The following ERCC2 variants were observed in gnomAD, a reference collection of about 807,000 sequenced individuals.
ERCC2 encodes the protein general transcription and DNA repair factor IIH helicase subunit XPD.
A neutral mutation model predicts 99.4 loss-of-function variants in ERCC2; 90 were observed. That is an observed-to-expected ratio of 0.91 (90% confidence interval 0.76 to 1.08). The LOEUF (loss-of-function observed/expected upper bound fraction) is 1.08. Among genes scored for constraint, ERCC2 ranks in the 50% least tolerant of loss-of-function variants. The pLI is 0.00. For synonymous variants in ERCC2, 497 were observed against 432.4 expected, an observed-to-expected ratio of 1.15 and a Z score of -1.85; for missense variants, 993 against 1,038.1, an observed-to-expected ratio of 0.96 and a Z score of 0.60.
intron 19 of ERCC2, 107 bp downstream of exon 19, chr19:45,352,976 C>T (rs1384534856): frequency 2.3e-6 from 3 of 1,328,918 alleles, no homozygotes; most frequent in Non-Finnish European, 1.1e-6. Flanking sequence ...CCTCTGTGCA[C>T]CTAGGCTGGG....
rs1972043805 is a variant in ERCC2, at chr19:45,357,276, G to A, written c.1473C>T (p.Cys491=). 2.5e-6 allele frequency: 4 copies of A among 1,612,694 alleles called. No homozygotes were observed. The highest frequency in any genetic ancestry group is 1.7e-6 in the Non-Finnish European group (2 of 1,179,004). The change falls in exon 15 of 23, where the codon TGC becomes TGT. Residue 491 remains cysteine, a synonymous_variant. Transcript: ENST00000391945. The part of the protein sequence containing the change: ...FTMTLARVCL[C]PMIIGRGNDQ... Reference sequence around the variant, plus strand: ...CCTAGCCTCTCCCACTCACCATAGGGCAGAGGCAGACCCGTGCCAGCGTCA... The same window carrying A: ...CCTAGCCTCTCCCACTCACCATAGGACAGAGGCAGACCCGTGCCAGCGTCA...
In ERCC2 at chr19:45,350,011, C is replaced by G. The variant is rs1971643122; in HGVS notation, c.*1618G>C. ...CAGCCCAAAGTACAGCAGACAGGCTCAGAAACAGGAGGCTGCCTGTCCTCC... is the reference window on the plus strand; with the variant it reads ...CAGCCCAAAGTACAGCAGACAGGCTGAGAAACAGGAGGCTGCCTGTCCTCC... On this transcript the variant is annotated 3_prime_UTR_variant, in exon 23 of 23. Coordinates refer to ENST00000391945, the MANE Select transcript of ERCC2 (RefSeq NM_000400.4). 3 of 446,054 alleles carry G rather than the reference C, an allele frequency of 6.7e-6. No individual in the cohort carries two copies. Among genetic ancestry groups the G allele is most frequent in the Non-Finnish European group, 1.2e-5 (3 of 247,478 alleles). The allele number at this position is 446,054 out of a possible 1,614,324, so 27.6% of individuals were successfully genotyped here. A position where few individuals can be genotyped will look rare whatever the true frequency, so the allele number is the denominator to read the frequency against.
At chr19:45,363,632 C>T (rs1382507312) in intron 11 of ERCC2, 111 bp downstream of exon 11, 1 of 1,259,016 alleles carries the variant, frequency 7.9e-7, no homozygotes, top group East Asian at 2.6e-5. Flanking sequence ...TCGCCCAGCT[C>T]ACTCACTCCT....
chr19:45,351,625 C>CCACT lies in ERCC2; in HGVS notation c.2283_*3dup, dbSNP rs1971782442. On this transcript the variant is annotated 3_prime_UTR_variant, in exon 23 of 23. Coordinates refer to ENST00000391945, the MANE Select transcript of ERCC2 (RefSeq NM_000400.4). ...GGAACCGTTTATGGCCCCACCCGCC[C>CCACT]CACTCAGAGCTGCTGAGCAATCTGC... is the stretch of plus-strand genomic sequence containing the variant. The CCACT allele has an allele frequency of 6.2e-7, 1 of 1,613,908 alleles. No individual in the cohort carries two copies. The highest frequency in any genetic ancestry group is 2.2e-5 in the East Asian group (1 of 44,876).
intron 12 of ERCC2, chr19:45,358,030 T>C: frequency 2.2e-6 from 1 of 463,738 alleles, no homozygotes; most frequent in Non-Finnish European, 4.0e-6. Flanking sequence ...AGCCTCAAGC[T>C]TTCTCCCATG....
chr19:45,370,020 G>A, intron 2 of ERCC2, 113 bp downstream of exon 2: 1 of 949,848 alleles, frequency 1.1e-6, no homozygotes, highest in African/African-American at 1.6e-5. Flanking sequence ...ATGGGGTCCT[G>A]GATTCCCAGG....
chr19:45,350,755 T>C lies in ERCC2; in HGVS notation c.*874A>G, dbSNP rs199968742. The C allele has an allele frequency of 8.1e-6, 13 of 1,606,242 alleles. No homozygotes were observed. The highest frequency in any genetic ancestry group is 1.0e-5 in the Non-Finnish European group (12 of 1,176,634). ...GGCGGCAGGAGCAGCCGGGTGAGTG[T>C]TGATCAGGTCGGCAAAGAGCCCTGA... On this transcript the variant is annotated 3_prime_UTR_variant, in exon 23 of 23. Transcript: ENST00000391945.
chr19:45,354,908 T>A lies in ERCC2; in HGVS notation c.1544-57A>T, dbSNP rs1474195561. On this transcript the variant is annotated intron_variant, in intron 16 of 22. Transcript: ENST00000391945. Reference sequence around the variant, plus strand: ...GGCCCAGGTCCTCCTCCCTTCTCTGTCTTAGAACTAGGAGTTTCTGGAAAC... The same window carrying A: ...GGCCCAGGTCCTCCTCCCTTCTCTGACTTAGAACTAGGAGTTTCTGGAAAC... 19 of 1,610,994 alleles carry A rather than the reference T, an allele frequency of 1.2e-5. No homozygotes were observed. The South Asian group carries it at 2.1e-4, about 18-fold the overall frequency.
At position 45,350,811 on chromosome 19, in the gene ERCC2, C is replaced by A. The variant is rs1277499688; in HGVS notation, c.*818G>T. On this transcript the variant is annotated 3_prime_UTR_variant, in exon 23 of 23. Coordinates refer to ENST00000391945, the MANE Select transcript of ERCC2 (RefSeq NM_000400.4). Reference sequence around the variant, plus strand: ...GCAGAATCCACAGCCCACCCCACCCCCACCCCCATCTTGCTCAAGAACCTT... The same window carrying A: ...GCAGAATCCACAGCCCACCCCACCCACACCCCCATCTTGCTCAAGAACCTT... 5.4e-6 allele frequency: 7 copies of A among 1,298,962 alleles called. No homozygotes were observed. The Admixed American group carries it at 1.4e-4, about 26-fold the overall frequency. 80.5% of individuals were successfully genotyped at this position (1,298,962 alleles called of 1,614,324 possible). A position where few individuals can be genotyped will look rare whatever the true frequency, so the allele number is the denominator to read the frequency against.
At chr19:45,359,032 C>T (rs1472023353) in intron 12 of ERCC2, 10 of 621,986 alleles carry the variant, frequency 1.6e-5, no homozygotes, top group South Asian at 3.8e-5. Flanking sequence ...TGCCCCTGCT[C>T]GCATGGGTTC....
chr19:45,354,712 G>T lies in ERCC2; in HGVS notation c.1665+18C>A. 1 of 1,613,130 alleles carries T rather than the reference G, an allele frequency of 6.2e-7. No homozygotes were observed. The highest frequency in any genetic ancestry group is 8.5e-7 in the Non-Finnish European group (1 of 1,179,534). ...GGACTGAGGAGAGCAGGTGCAGGGA[G>T]GGGGTGGCCAGGCGTACCTGCTCAT... On this transcript the variant is annotated intron_variant, in intron 17 of 22. Transcript: ENST00000391945.
At chr19:45,364,180 G>A in intron 9 of ERCC2, 55 bp downstream of exon 9, 1 of 1,611,506 alleles carries the variant, frequency 6.2e-7, no homozygotes, top group South Asian at 1.1e-5. Context: ...AGTCAGACAG[G>A]GGCCAGGGTC....
rs1971657810 is a variant in ERCC2, at chr19:45,350,182, G to T, written c.*1447C>A. The stretch of plus-strand genomic sequence containing the variant: ...CACGCTTGTAACCCCAACACTTTGG[G>T]AGGCCAAGGCAGGAGGATCACTTGA... On this transcript the variant is annotated 3_prime_UTR_variant, in exon 23 of 23. Transcript: ENST00000391945. The T allele has an allele frequency of 1.6e-6, 1 of 620,874 alleles. No homozygotes were observed. Among genetic ancestry groups the T allele is most frequent in the African/African-American group, 1.8e-5 (1 of 54,088 alleles). The allele number at this position is 620,874 out of a possible 1,614,324, so 38.5% of individuals were successfully genotyped here. A position where few individuals can be genotyped will look rare whatever the true frequency, so the allele number is the denominator to read the frequency against.
At chr19:45,354,305 C>G (rs1195048603) in intron 17 of ERCC2, among the ~76,000 whole-genome samples, 2 of 152,208 alleles carry the variant, frequency 1.3e-5, no homozygotes, top group Non-Finnish European at 2.9e-5. Context: ...CCTGCAGACC[C>G]TTGAGAGGCT....
intron 5 of ERCC2, among the ~76,000 whole-genome samples, chr19:45,367,804 TGCCCA>T (rs1972480982): frequency 6.6e-6 from 1 of 151,994 alleles, no homozygotes. Context: ...TGAGTCACCA[TGCCCA>T]GCCAAGTACA....
rs3916866 is a variant in ERCC2, at chr19:45,355,249, C to T, written c.1544-398G>A. Among the ~76,000 whole-genome samples the T allele has an allele frequency of 2.2e-4, 34 of 152,270 alleles. No individual in the cohort carries two copies. In the South Asian group the frequency reaches 4.4e-3, roughly 20 times the overall value. ...GCAGAGGCCTGTAATCCCAGCTACT[C>T]GGGAGGCTGAGGCATGAGAATCGCT... On this transcript the variant is annotated intron_variant, in intron 16 of 22. Coordinates refer to ENST00000391945, the MANE Select transcript of ERCC2 (RefSeq NM_000400.4).
Position 45,357,487 on chromosome 19 carries a change from A to G in ERCC2, c.1364T>C (p.Ile455Thr). 6.2e-7 allele frequency: 1 copy of G among 1,614,146 alleles called. No homozygotes were observed. The highest frequency in any genetic ancestry group is 2.2e-5 in the East Asian group (1 of 44,880). ...KPVFERFQSV[I>T]ITSGTLSPLD... The stretch of plus-strand genomic sequence containing the variant: ...AAGGGTCCTTACCCCAGATGTGATG[A>G]TGACAGACTGGAAACGCTCAAATAC... Residue 455 changes from isoleucine (I) to threonine (T), a missense_variant, in exon 14 of 23, where the codon ATC becomes ACC. By Grantham distance (89) the Ile-to-Thr change is moderately conservative. Around this residue, in one of 3 missense-constraint regions of ERCC2, gnomAD observed 909 missense variants for 930.8 expected, o/e 0.98. Transcript: ENST00000391945.
rs775260936 is a variant in ERCC2 at position 45,369,152 on chromosome 19, A to G, written c.106-5T>C. 2.5e-6 allele frequency: 4 copies of G among 1,613,476 alleles called. No individual in the cohort carries two copies. The Admixed American group carries it at 6.7e-5, about 27-fold the overall frequency. On this transcript the variant is annotated splice_region_variant and splice_polypyrimidine_tract_variant and intron_variant, in intron 2 of 22. Coordinates refer to ENST00000391945, the MANE Select transcript of ERCC2 (RefSeq NM_000400.4). Reference sequence around the variant, plus strand: ...CATCTCCAGGACTCCATGACCCTGCATGTTGGGGACCAGAGGGGCAACACA... The same window carrying G: ...CATCTCCAGGACTCCATGACCCTGCGTGTTGGGGACCAGAGGGGCAACACA...
Position 45,350,108 on chromosome 19 carries a change from GGATACGGCCAGGTCAGCACATTA to G in ERCC2, c.*1498_*1520del, listed in dbSNP as rs1350670021. 4 of 547,954 alleles carry G rather than the reference GGATACGGCCAGGTCAGCACATTA, an allele frequency of 7.3e-6. No individual in the cohort carries two copies. The Admixed American group carries it at 1.3e-4, about 18-fold the overall frequency. 33.9% of individuals were successfully genotyped at this position (547,954 alleles called of 1,614,324 possible). On this transcript the variant is annotated 3_prime_UTR_variant, in exon 23 of 23. Coordinates refer to ENST00000391945, the MANE Select transcript of ERCC2 (RefSeq NM_000400.4). ...CAGGGCAAGGCTTTAGGCAGGGGAA[GGATACGGCCAGGTCAGCACATTA>G]GAAAGTGGGGCCAGACGTGGTGGTT...
Sources: gnomAD v4.1 joint callset for allele counts (sites outside exome capture counted in the v4.1 genomes callset) on GRCh38, gnomAD v4.1.1 for gene constraint, gnomAD v4.1.1 regional missense constraint, MANE v1.5 for transcripts, NCBI Gene and HGNC (gene_info 2026-07-23, HGNC 2026-07-21) for gene names.